The following EML6 variants were observed in gnomAD, a reference collection of about 807,000 sequenced individuals.
EML6 encodes the protein echinoderm microtubule-associated protein-like 6.
A neutral mutation model predicts 240.1 loss-of-function variants in EML6; 154 were observed. The observed-to-expected ratio is 0.64, with a 90% confidence interval of 0.56 to 0.73. The LOEUF (loss-of-function observed/expected upper bound fraction) is 0.73. Among genes scored for constraint, EML6 ranks in the 30% least tolerant of loss-of-function variants. The probability of loss-of-function intolerance (pLI) is 0.00; values close to 1 mark genes in which losing one functional copy is unlikely to be tolerated. For missense variants in EML6, 2,964 were observed against 2,474.6 expected, an observed-to-expected ratio of 1.20 and a Z score of -4.20; for synonymous variants, 1,148 against 899.0, an observed-to-expected ratio of 1.28 and a Z score of -4.95.
chr2:54,847,206 G>C (rs964474592), intron 8 of EML6, among the ~76,000 whole-genome samples: 1 of 152,144 alleles, frequency 6.6e-6, no homozygotes, highest in Non-Finnish European at 1.5e-5. Context: ...ATCATGCCCA[G>C]CCTTAAATTT....
chr2:54,895,364 A>C lies in EML6; in HGVS notation c.2946A>C (p.Glu982Asp). 1 of 1,552,024 alleles carries C rather than the reference A, an allele frequency of 6.4e-7. No individual in the cohort carries two copies. The highest frequency in any genetic ancestry group is 1.2e-5 in the South Asian group (1 of 84,062). ...LVGTKNGEIL[E>D]IDKSGPMTLL... ...GAACAAAAAATGGAGAGATTCTGGA[A>C]ATTGATAAGAGTGGCCCAATGACAC... The change falls in exon 21 of 42, where the codon GAA becomes GAC. Residue 982 changes from glutamate to aspartate, a missense_variant. By Grantham distance (45) the Glu-to-Asp change is conservative. Coordinates refer to ENST00000356458, the MANE Select transcript of EML6 (RefSeq NM_001039753.4).
chr2:54,833,815 C>G (rs866381876), intron 7 of EML6, among the ~76,000 whole-genome samples: 4 of 152,202 alleles, frequency 2.6e-5, no homozygotes, highest in African/African-American at 7.2e-5. Flanking sequence ...CAACCTAATT[C>G]ACCCAGGATC....
chr2:54,797,555 T>G (rs1456668640), intron 2 of EML6, among the ~76,000 whole-genome samples: 4 of 152,156 alleles, frequency 2.6e-5, no homozygotes, highest in Admixed American at 6.5e-5. Context: ...TGTAAAGTCA[T>G]GTTTATATTG....
intron 2 of EML6, among the ~76,000 whole-genome samples, chr2:54,799,189 T>C (rs1669981610): frequency 6.6e-6 from 1 of 152,184 alleles, no homozygotes; most frequent in Non-Finnish European, 1.5e-5. Context: ...GCCTACCTAG[T>C]AGCTGGGACT....
chr2:54,902,965 A>G (rs1673138094), intron 22 of EML6, 79 bp from the exon 23 acceptor site: 10 of 1,324,010 alleles, frequency 7.6e-6, no homozygotes, highest in Non-Finnish European at 1.0e-5. Context: ...GCACATCATC[A>G]GATTTCTTCA....
intron 2 of EML6, among the ~76,000 whole-genome samples, chr2:54,806,420 C>G (rs963010867): frequency 6.6e-6 from 1 of 151,840 alleles, no homozygotes; most frequent in Non-Finnish European, 1.5e-5. Context: ...CGAGACCAGC[C>G]TGGCCAACAG....
chr2:54,818,080 A>G (rs1668158681), intron 4 of EML6, among the ~76,000 whole-genome samples: 1 of 152,114 alleles, frequency 6.6e-6, no homozygotes, highest in Non-Finnish European at 1.5e-5. Context: ...TACTGCTTCT[A>G]TTTCTGAGTC....
rs1047915294 is a variant in EML6, at chr2:54,724,350, C to T, written c.-513-199C>T. 6.6e-6 allele frequency among the ~76,000 whole-genome samples: 1 copy of T among 152,082 alleles called. No individual in the cohort carries two copies. Among genetic ancestry groups the T allele is most frequent in the Non-Finnish European group, 1.5e-5 (1 of 68,024 alleles). ...GGAAACAGCAAGCGTTCCTTCAAAT[C>T]GCATCAGCAACTGCCAGGCAGCAGC... On this transcript the variant is annotated intron_variant, in intron 1 of 41. Transcript: ENST00000356458. The surrounding 1 kb of genome is among the most constrained non-coding windows in gnomAD (Gnocchi z 5.2).
At chr2:54,843,942 A>T (rs2103680704) in intron 7 of EML6, 105 bp from the exon 8 acceptor site, 1 of 848,830 alleles carries the variant, frequency 1.2e-6, no homozygotes, top group South Asian at 1.6e-5. Flanking sequence ...TATCCTGGTT[A>T]AAGGGCATTT....
intron 26 of EML6, among the ~76,000 whole-genome samples, chr2:54,923,541 AG>A (rs1674378921): frequency 6.6e-6 from 1 of 152,184 alleles, no homozygotes; most frequent in South Asian, 2.1e-4. Flanking sequence ...TAAAGCTGGG[AG>A]GAAAAAGTAA....
rs565031430 is a variant in EML6, at chr2:54,894,090, A to G, written c.2743-825A>G. ...TCCTGGGTACAAATTCTATATAAGA[A>G]TAAGGATATTTAGTGTTATACACTT... On this transcript the variant is annotated intron_variant, in intron 19 of 41. Coordinates refer to ENST00000356458, the MANE Select transcript of EML6 (RefSeq NM_001039753.4). 1.2e-4 allele frequency among the ~76,000 whole-genome samples: 18 copies of G among 152,252 alleles called. 1 individual carries two copies. The highest frequency in any genetic ancestry group is 6.5e-4 in the Admixed American group (10 of 15,296).
At chr2:54,859,014 A>G (rs1447075279) in intron 11 of EML6, among the ~76,000 whole-genome samples, 1 of 152,218 alleles carries the variant, frequency 6.6e-6, no homozygotes, top group Non-Finnish European at 1.5e-5. Context: ...CTGTAGTTCA[A>G]CCACAAATAT....
chr2:54,913,162 A>G (rs1673734155), intron 25 of EML6, among the ~76,000 whole-genome samples: 1 of 146,502 alleles, frequency 6.8e-6, no homozygotes, highest in Admixed American at 6.9e-5. Flanking sequence ...TTCTCCAATG[A>G]TTGGTGATAA....
chr2:54,884,654 A>G (rs548695828), intron 17 of EML6, among the ~76,000 whole-genome samples: 5 of 152,242 alleles, frequency 3.3e-5, no homozygotes, highest in Admixed American at 6.5e-5. Context: ...TGAAGACCAC[A>G]TATGTATTTT....
Position 54,879,766 on chromosome 2 carries a change from C to A in EML6, c.2438+126C>A, listed in dbSNP as rs1221374169. The A allele has an allele frequency of 2.3e-5, 15 of 662,792 alleles. No homozygotes were observed. In the East Asian group the frequency reaches 4.1e-4, roughly 18 times the overall value. 41.1% of individuals were successfully genotyped at this position (662,792 alleles called of 1,614,324 possible). On this transcript the variant is annotated intron_variant, in intron 17 of 41. Transcript: ENST00000356458. ...TGAAATTGACGTAGAAGGCTTAGCACCTAAGTGAAAAAATACTGCAGTATT... is the reference window on the plus strand; with the variant it reads ...TGAAATTGACGTAGAAGGCTTAGCAACTAAGTGAAAAAATACTGCAGTATT...
chr2:54,874,349 G>C (rs991119329), intron 16 of EML6, among the ~76,000 whole-genome samples: 1 of 152,182 alleles, frequency 6.6e-6, no homozygotes, highest in African/African-American at 2.4e-5. Flanking sequence ...AGATACTCTG[G>C]AGGAGGTGAG....
intron 2 of EML6, among the ~76,000 whole-genome samples, chr2:54,738,022 C>T (rs1647693997): frequency 6.6e-6 from 1 of 152,192 alleles, no homozygotes; most frequent in Admixed American, 6.5e-5. Flanking sequence ...TACTCACTTC[C>T]CTTAGGTGCC....
rs534272313 is a variant in EML6 at position 54,819,908 on chromosome 2, C to T, written c.457-486C>T. 4.6e-5 allele frequency among the ~76,000 whole-genome samples: 7 copies of T among 152,090 alleles called. No homozygotes were observed. The South Asian group carries it at 1.2e-3, about 27-fold the overall frequency. ...CTATTTAAGTTAGTGACAGATAAAT[C>T]CCTCTGCCTTACGTTTAGGAATATT... On this transcript the variant is annotated intron_variant, in intron 4 of 41. Transcript: ENST00000356458.
intron 17 of EML6, chr2:54,879,869 G>A: frequency 1.9e-6 from 1 of 520,704 alleles, no homozygotes; most frequent in Admixed American, 3.4e-5. Context: ...TCTGCAGAGA[G>A]TCATTCACCG....
Sources: gnomAD v4.1 joint callset for allele counts (sites outside exome capture counted in the v4.1 genomes callset) on GRCh38, gnomAD v4.1.1 for gene constraint, Gnocchi (gnomAD v3.1) non-coding constraint, MANE v1.5 for transcripts, NCBI Gene and HGNC (gene_info 2026-07-23, HGNC 2026-07-21) for gene names.